Variants in HERC1 observed in about 807,000 individuals in gnomAD.
HERC1 encodes HECT and RLD domain containing E3 ubiquitin protein ligase family member 1, also known as probable E3 ubiquitin-protein ligase HERC1.
HERC1 carries 160 observed loss-of-function variants against 554.3 expected under a neutral mutation model. The observed-to-expected ratio is 0.29, with a 90% CI of 0.25 to 0.33. HERC1 has a LOEUF of 0.33. Ranked by LOEUF, HERC1 falls within the 10% of genes least tolerant of loss-of-function variation. HERC1 has a pLI of 1.00. For missense variants in HERC1, 4,919 were observed against 5,918.5 expected, an observed-to-expected ratio of 0.83 and a Z score of 5.54; for synonymous variants, 2,175 against 2,131.7, an observed-to-expected ratio of 1.02 and a Z score of -0.56.
chr15:63,793,432 T>C (rs2076714504), intron 1 of HERC1, among the ~76,000 whole-genome samples: 1 of 152,206 alleles, frequency 6.6e-6, no homozygotes, highest in South Asian at 2.1e-4. Context: ...GCCATGATAG[T>C]TTACAAATGC....
At chr15:63,685,142 T>A (rs990813442) in intron 34 of HERC1, among the ~76,000 whole-genome samples, 1 of 152,242 alleles carries the variant, frequency 6.6e-6, no homozygotes, top group African/African-American at 2.4e-5. Context: ...TGGCTCCAGC[T>A]CCTGCAGTTT....
intron 1 of HERC1, among the ~76,000 whole-genome samples, chr15:63,806,790 G>A (rs993570717): frequency 6.6e-6 from 1 of 152,220 alleles, no homozygotes; most frequent in Non-Finnish European, 1.5e-5. Context: ...CACCCACTCC[G>A]AGACAGTCTT....
At position 63,678,237 on chromosome 15, in the gene HERC1, T is replaced by G; in HGVS notation, c.6678A>C (p.Thr2226=). 1 of 1,613,914 alleles carries G rather than the reference T, an allele frequency of 6.2e-7. No homozygotes were observed. The highest frequency in any genetic ancestry group is 8.5e-7 in the Non-Finnish European group (1 of 1,179,856). Residue 2226 remains threonine (T), a synonymous_variant, in exon 37 of 78, where the codon ACA becomes ACC. Transcript: ENST00000443617. ...TGTTAATGCAGTAAGTCCAACGGTC[T>G]GTTCGGTGAAGGATACGGATGAGCT... ...TIQLIRILHR[T]DRWTYCINKK...
intron 12 of HERC1, among the ~76,000 whole-genome samples, chr15:63,737,193 T>C (rs1462648655): frequency 6.6e-6 from 1 of 150,786 alleles, no homozygotes; most frequent in Non-Finnish European, 1.5e-5. Flanking sequence ...TTAAATTTCT[T>C]ATAAAGCAGA....
Position 63,734,512 on chromosome 15 carries a change from CTTATT to C in HERC1, c.2646+207_2646+211del, listed in dbSNP as rs1282747130. 5 of 355,152 alleles carry C rather than the reference CTTATT, an allele frequency of 1.4e-5. No homozygotes were observed. Among genetic ancestry groups the C allele is most frequent in the Admixed American group, 4.4e-5 (1 of 22,760 alleles). 22.0% of individuals were successfully genotyped at this position (355,152 alleles called of 1,614,324 possible). ...ATAAGAAACACTGGAAAAATTAGTC[CTTATT>C]TTAATAATTAGCCCCAAATAACTTA... On this transcript the variant is annotated intron_variant, in intron 13 of 77. Coordinates refer to ENST00000443617, the MANE Select transcript of HERC1 (RefSeq NM_003922.4). This position sits in a 1 kb window ranked among gnomAD's most constrained non-coding sequence, Gnocchi z 4.6.
intron 46 of HERC1, among the ~76,000 whole-genome samples, chr15:63,660,530 T>G (rs867339762): frequency 6.6e-6 from 1 of 152,134 alleles, no homozygotes; most frequent in South Asian, 2.1e-4. Context: ...CAGCTGGTAA[T>G]AGAGGTTTAA....
At position 63,725,179 on chromosome 15, in the gene HERC1, CTAA is replaced by C. The variant is rs1027573653; in HGVS notation, c.3568+110_3568+112del. ...TCATAGCCCCAGATTCCCTACACTGCTAATGTTGCAATTGGTGCCTGTCAGTTC... is the reference window on the plus strand; with the variant it reads ...TCATAGCCCCAGATTCCCTACACTGCTGTTGCAATTGGTGCCTGTCAGTTC... On this transcript the variant is annotated intron_variant, in intron 18 of 77. Coordinates refer to ENST00000443617, the MANE Select transcript of HERC1 (RefSeq NM_003922.4). 6.8e-6 allele frequency: 6 copies of C among 885,218 alleles called. No homozygotes were observed. The African/African-American group carries it at 1.0e-4, about 15-fold the overall frequency. 54.8% of individuals were successfully genotyped at this position (885,218 alleles called of 1,614,324 possible).
intron 36 of HERC1, among the ~76,000 whole-genome samples, chr15:63,678,786 T>C (rs1354392754): frequency 6.6e-6 from 1 of 152,214 alleles, no homozygotes; most frequent in African/African-American, 2.4e-5. Flanking sequence ...AGTCACAATC[T>C]GGATACACAC....
Position 63,640,394 on chromosome 15 carries a change from A to C in HERC1, c.11659T>G (p.Leu3887Val), listed in dbSNP as rs1328424690. Residue 3887 changes from leucine to valine, a missense_variant, in exon 61 of 78, where the codon TTG becomes GTG. Physicochemically the swap from Leu to Val is conservative, Grantham distance 32. Around this residue, in one of 11 missense-constraint regions of HERC1, gnomAD observed 1,963 missense variants for 2,228.6 expected, o/e 0.88. Coordinates refer to ENST00000443617, the MANE Select transcript of HERC1 (RefSeq NM_003922.4). Reference protein sequence around the residue: ...QLVHSPYMQCLASLAVGLHLD... With the variant: ...QLVHSPYMQCVASLAVGLHLD... ...TGAAGTCCCACAGCAAGGGAAGCCA[A>C]GCATTGCATATAGGGGCTATGAACA... The C allele has an allele frequency of 6.2e-7, 1 of 1,613,876 alleles. No homozygotes were observed. The highest frequency in any genetic ancestry group is 8.5e-7 in the Non-Finnish European group (1 of 1,179,814).
In HERC1 at chr15:63,664,147, T is replaced by C. The variant is rs142929421; in HGVS notation, c.8680+323A>G. Among the ~76,000 whole-genome samples the C allele has an allele frequency of 0.012, 1,804 of 152,308 alleles. 20 individuals carry two copies. Among genetic ancestry groups the C allele is most frequent in the East Asian group, 0.022 (116 of 5,184 alleles). ...TCCAGCTCCTTCTTACCACTGATGC[T>C]AAACATTAAACATGCATCATCACTT... On this transcript the variant is annotated intron_variant, in intron 43 of 77. Transcript: ENST00000443617.
Position 63,749,143 on chromosome 15 carries a change from A to C in HERC1, c.2219+224T>G, listed in dbSNP as rs1045945657. On this transcript the variant is annotated intron_variant, in intron 10 of 77. Transcript: ENST00000443617. The surrounding 1 kb of genome is among the most constrained non-coding windows in gnomAD (Gnocchi z 4.1). ...CAAAATGTTTAAAAGACAATGTCTTAAATACTGGGTATGACTTCTTGCTTC... is the reference window on the plus strand; with the variant it reads ...CAAAATGTTTAAAAGACAATGTCTTCAATACTGGGTATGACTTCTTGCTTC... 2.0e-5 allele frequency among the ~76,000 whole-genome samples: 3 copies of C among 152,212 alleles called. No individual in the cohort carries two copies. The highest frequency in any genetic ancestry group is 7.2e-5 in the African/African-American group (3 of 41,460).
In HERC1 at chr15:63,654,198, G is replaced by C. The variant is rs1371600638; in HGVS notation, c.10211C>G (p.Thr3404Ser). Residue 3404 changes from threonine to serine, a missense_variant, in exon 51 of 78, where the codon ACT (threonine) becomes AGT (serine). Physicochemically the swap from Thr to Ser is moderately conservative, Grantham distance 58. Coordinates refer to ENST00000443617, the MANE Select transcript of HERC1 (RefSeq NM_003922.4). ...TLAAHDRDNQ[T>S]TLQTLADMGG... ...CATATCAGCAAGTGTCTGCAGAGTA[G>C]TTTGGTTGTCACGGTCGTGTGCAGC... 1.9e-6 allele frequency: 3 copies of C among 1,614,054 alleles called. No homozygotes were observed. The highest frequency in any genetic ancestry group is 2.5e-6 in the Non-Finnish European group (3 of 1,179,888).
At chr15:63,676,537 A>T (rs1490741134) in intron 37 of HERC1, among the ~76,000 whole-genome samples, 2 of 152,080 alleles carry the variant, frequency 1.3e-5, no homozygotes, top group East Asian at 3.9e-4. Flanking sequence ...CAGGTGGATC[A>T]CTTGAGGTCA....
At position 63,623,830 on chromosome 15, in the gene HERC1, A is replaced by G. The variant is rs757632644; in HGVS notation, c.13506T>C (p.Ala4502=). The change falls in exon 73 of 78, where the codon GCT becomes GCC. Residue 4502 remains alanine, a synonymous_variant. Transcript: ENST00000443617. ...QIARQVVKLN[A]SDLRLPSRAW... ...CTCGGGAAGGCAGGCGGAGGTCTGAAGCATTCAGCTTAACTACTTGTCTCG... is the reference window on the plus strand; with the variant it reads ...CTCGGGAAGGCAGGCGGAGGTCTGAGGCATTCAGCTTAACTACTTGTCTCG... 1.2e-6 allele frequency: 2 copies of G among 1,614,036 alleles called. No homozygotes were observed. Among genetic ancestry groups the G allele is most frequent in the African/African-American group, 1.3e-5 (1 of 75,050 alleles).
intron 1 of HERC1, among the ~76,000 whole-genome samples, chr15:63,789,807 A>AATAAATAC (rs1345340630): frequency 4.1e-5 from 6 of 144,596 alleles, no homozygotes; most frequent in African/African-American, 1.4e-4. Context: ...TCTCAAAATA[A>AATAAATAC]ATAAATAAAT....
chr15:63,613,878 T>C (rs1352312041), intron 76 of HERC1, among the ~76,000 whole-genome samples: 2 of 151,968 alleles, frequency 1.3e-5, no homozygotes, highest in African/African-American at 4.8e-5. Flanking sequence ...GGATCAGAGA[T>C]TGGCAGTAAA....
At chr15:63,800,491 C>G (rs765542274) in intron 1 of HERC1, among the ~76,000 whole-genome samples, 2 of 152,180 alleles carry the variant, frequency 1.3e-5, no homozygotes, top group Non-Finnish European at 2.9e-5. Context: ...CACAAGATAT[C>G]AGTTTAAACA....
chr15:63,656,210 G>A lies in HERC1; in HGVS notation c.9748C>T (p.Arg3250Ter), dbSNP rs753780877. ...TTGTTAGCCTTGCTATGCCCACCTC[G>A]TGATCGTTCTGAGGTGCTAGCCATG... ...SAMASTSERSRGGHSKANKPI... is the reference protein window; with the variant it reads ...SAMASTSERS The change falls in exon 49 of 78, where the codon CGA (arginine) becomes TGA (stop). Residue 3250 changes from arginine to a stop codon, truncating the protein, a stop_gained. Coordinates refer to ENST00000443617, the MANE Select transcript of HERC1 (RefSeq NM_003922.4). LOFTEE classifies it high-confidence loss of function. 1 of 1,613,168 alleles carries A rather than the reference G, an allele frequency of 6.2e-7. No individual in the cohort carries two copies. The highest frequency in any genetic ancestry group is 1.1e-5 in the South Asian group (1 of 90,938).
chr15:63,832,522 CAT>C (rs1229159972), intron 1 of HERC1, among the ~76,000 whole-genome samples: 2 of 152,138 alleles, frequency 1.3e-5, no homozygotes, highest in African/African-American at 2.4e-5. Context: ...TATGAATAAT[CAT>C]AGTTTCTTTC....
Sources: gnomAD v4.1 joint callset for allele counts (sites outside exome capture counted in the v4.1 genomes callset) on GRCh38, gnomAD v4.1.1 for gene constraint, gnomAD v4.1.1 regional missense constraint, Gnocchi (gnomAD v3.1) non-coding constraint, MANE v1.5 for transcripts, NCBI Gene and HGNC (gene_info 2026-07-23, HGNC 2026-07-21) for gene names.